The following GSG1 variants were observed in gnomAD, a reference collection of about 807,000 sequenced individuals.
GSG1 encodes the protein germ cell associated 1, also known as germ cell-specific gene 1 protein.
In GSG1, 28 loss-of-function variants were observed where a neutral mutation model predicts 30.8. That is an observed-to-expected ratio of 0.91 (90% CI 0.67 to 1.25). GSG1 has a LOEUF of 1.25. Ranked by LOEUF, GSG1 falls within the 50% of genes most tolerant of loss-of-function variation. The pLI is 0.00. For missense variants in GSG1, 435 were observed against 444.7 expected (o/e 0.98, Z 0.20); for synonymous variants, 162 against 178.0 (o/e 0.91, Z 0.71).
rs376752265 is a variant in GSG1, at chr12:13,099,766, T to G, written c.48+3699A>C. Among the ~76,000 whole-genome samples, 930 of 121,214 alleles carry G rather than the reference T, an allele frequency of 7.7e-3. 11 individuals are homozygous for G. The highest frequency in any genetic ancestry group is 0.031 in the South Asian group (129 of 4,114). 79.5% of individuals were successfully genotyped at this position (121,214 alleles called of 152,430 possible). On this transcript the variant is annotated intron_variant, in intron 1 of 6. Transcript: ENST00000651961. ...TTTTTTTTTGTTTTTTTTTTTTTTTTTTGTTTTTTCTTCATGTCATCCATA... is the reference window on the plus strand; with the variant it reads ...TTTTTTTTTGTTTTTTTTTTTTTTTGTTGTTTTTTCTTCATGTCATCCATA...
At chr12:13,091,027 C>T (rs1016063237) in intron 1 of GSG1, among the ~76,000 whole-genome samples, 8 of 152,154 alleles carry the variant, frequency 5.3e-5, no homozygotes, top group Non-Finnish European at 1.0e-4. Context: ...ACCCTGAGGG[C>T]GTAAGAAAAC....
intron 1 of GSG1, among the ~76,000 whole-genome samples, chr12:13,103,094 C>T (rs577695142): frequency 4.6e-5 from 7 of 152,320 alleles, no homozygotes; most frequent in African/African-American, 1.7e-4. Context: ...GCTACTGGGC[C>T]TTTACCAGGC....
intron 4 of GSG1, 72 bp downstream of exon 4, chr12:13,088,790 G>A (rs768195450): frequency 5.0e-6 from 8 of 1,613,930 alleles, no homozygotes; most frequent in African/African-American, 2.7e-5. Flanking sequence ...TCCATCAACC[G>A]CTTCCCTCCA....
At position 13,090,671 on chromosome 12, in the gene GSG1, C is replaced by CT. The variant is rs1866010913; in HGVS notation, c.195dup (p.Gly66ArgfsTer8). 1.2e-6 allele frequency: 2 copies of CT among 1,614,246 alleles called. No homozygotes were observed. The highest frequency in any genetic ancestry group is 4.5e-5 in the East Asian group (2 of 44,876). On this transcript the variant is annotated frameshift_variant, in exon 2 of 7. Transcript: ENST00000651961. LOFTEE classifies it high-confidence loss of function. ...ATGTCAAAGCACTTGGCTGCCAGAC[C>CT]TTTCTCGCACAGGGGCTTGGGCACC...
intron 1 of GSG1, among the ~76,000 whole-genome samples, chr12:13,094,459 AC>A (rs1462285313): frequency 6.6e-6 from 1 of 152,240 alleles, no homozygotes; most frequent in East Asian, 1.9e-4. Flanking sequence ...TTGACTAAGG[AC>A]AAAAAATCCG....
rs1863185806 is a variant in GSG1, at chr12:13,101,376, C to T, written c.48+2089G>A. 6.6e-6 allele frequency among the ~76,000 whole-genome samples: 1 copy of T among 152,248 alleles called. No homozygotes were observed. Among genetic ancestry groups the T allele is most frequent in the African/African-American group, 2.4e-5 (1 of 41,472 alleles). On this transcript the variant is annotated intron_variant, in intron 1 of 6. Coordinates refer to ENST00000651961, the MANE Select transcript of GSG1 (RefSeq NM_001080555.4). The surrounding 1 kb of genome is among the most constrained non-coding windows in gnomAD (Gnocchi z 5.8). Reference sequence around the variant, plus strand: ...TTGGCATTGTTTGCGAGGCCCCGCCCCGCGGCCGCCAACCACCCATGGCTT... The same window carrying T: ...TTGGCATTGTTTGCGAGGCCCCGCCTCGCGGCCGCCAACCACCCATGGCTT...
At position 13,101,417 on chromosome 12, in the gene GSG1, C is replaced by A. The variant is rs1019947954; in HGVS notation, c.48+2048G>T. Among the ~76,000 whole-genome samples the A allele has an allele frequency of 2.0e-5, 3 of 152,232 alleles. No individual in the cohort carries two copies. The highest frequency in any genetic ancestry group is 7.2e-5 in the African/African-American group (3 of 41,466). ...CCCATGGCTTCCTGACCGGGTCGGG[C>A]GGGGGTACCCGGGCTGTTTCTTCCT... On this transcript the variant is annotated intron_variant, in intron 1 of 6. Transcript: ENST00000651961. This position sits in a 1 kb window ranked among gnomAD's most constrained non-coding sequence, Gnocchi z 5.8.
chr12:13,088,517 C>T (rs1305469684), intron 4 of GSG1, among the ~76,000 whole-genome samples: 2 of 152,102 alleles, frequency 1.3e-5, no homozygotes, highest in Admixed American at 1.3e-4. Flanking sequence ...TACTTGGCAA[C>T]AAGAGTAGGT....
chr12:13,089,946 G>A (rs1330267021), intron 2 of GSG1, among the ~76,000 whole-genome samples: 1 of 152,186 alleles, frequency 6.6e-6, no homozygotes, highest in Non-Finnish European at 1.5e-5. Context: ...CTACTTGGGA[G>A]GCTGAGGCAA....
chr12:13,088,754 A>C, intron 4 of GSG1, 108 bp downstream of exon 4: 1 of 1,613,348 alleles, frequency 6.2e-7, no homozygotes, highest in Non-Finnish European at 8.5e-7. Context: ...CAAAGCCCCA[A>C]GGGAGGGGAG....
chr12:13,100,176 A>C (rs890908844), intron 1 of GSG1, among the ~76,000 whole-genome samples: 2 of 152,202 alleles, frequency 1.3e-5, no homozygotes, highest in African/African-American at 4.8e-5. Flanking sequence ...TGAGATTTGT[A>C]ATGCAAAAAG....
chr12:13,102,909 A>T (rs1863319391), intron 1 of GSG1, among the ~76,000 whole-genome samples: 1 of 152,230 alleles, frequency 6.6e-6, no homozygotes, highest in Non-Finnish European at 1.5e-5. Context: ...ATCCCTGAAG[A>T]TTCTGCTGGA....
chr12:13,084,246 A>C lies in GSG1; in HGVS notation c.*655T>G, dbSNP rs1865311731. 6.6e-6 allele frequency: 1 copy of C among 152,196 alleles called. No individual in the cohort carries two copies. Among genetic ancestry groups the C allele is most frequent in the African/African-American group, 2.4e-5 (1 of 41,432 alleles). The allele number at this position is 152,196 out of a possible 1,614,324, so 9.4% of individuals were successfully genotyped here. A position where few individuals can be genotyped will look rare whatever the true frequency, so the allele number is the denominator to read the frequency against. ...ACTGTCCAGAAGGGAACCACAGTCC[A>C]ATCTGAATAGCCTTGGTGGGCTATT... On this transcript the variant is annotated 3_prime_UTR_variant, in exon 7 of 7. Coordinates refer to ENST00000651961, the MANE Select transcript of GSG1 (RefSeq NM_001080555.4).
intron 1 of GSG1, among the ~76,000 whole-genome samples, chr12:13,094,980 A>G (rs965067894): frequency 6.6e-6 from 1 of 152,234 alleles, no homozygotes; most frequent in Non-Finnish European, 1.5e-5. Context: ...AACCAATTTA[A>G]GGAAGAGGCA....
intron 2 of GSG1, among the ~76,000 whole-genome samples, chr12:13,089,777 A>G (rs1261630955): frequency 6.6e-6 from 1 of 152,224 alleles, no homozygotes; most frequent in Non-Finnish European, 1.5e-5. Context: ...TAGGCTGGGC[A>G]TGGTGGCTCA....
At position 13,093,236 on chromosome 12, in the gene GSG1, A is replaced by T. The variant is rs553335087; in HGVS notation, c.49-2418T>A. On this transcript the variant is annotated intron_variant, in intron 1 of 6. Coordinates refer to ENST00000651961, the MANE Select transcript of GSG1 (RefSeq NM_001080555.4). The surrounding 1 kb of genome is among the most constrained non-coding windows in gnomAD (Gnocchi z 4.6). ...TCTAAACTTTATATAAAAGTTTAGA[A>T]AAAAGAATTGGGAGCATTCCAAATG... Among the ~76,000 whole-genome samples, 20 of 152,340 alleles carry T rather than the reference A, an allele frequency of 1.3e-4. No individual in the cohort carries two copies. The highest frequency in any genetic ancestry group is 4.8e-4 in the African/African-American group (20 of 41,578).
At chr12:13,089,012 C>T in intron 3 of GSG1, 103 bp from the exon 4 acceptor site, 2 of 1,428,706 alleles carry the variant, frequency 1.4e-6, no homozygotes, top group Non-Finnish European at 1.9e-6. Flanking sequence ...GCTCTGACAG[C>T]ACCTGCCCCG....
intron 1 of GSG1, among the ~76,000 whole-genome samples, chr12:13,096,572 A>C (rs571487759): frequency 6.6e-6 from 1 of 152,232 alleles, no homozygotes; most frequent in Non-Finnish European, 1.5e-5. Flanking sequence ...GCAAAGATGC[A>C]GATAGAATAG....
At chr12:13,094,196 A>G (rs1012955201) in intron 1 of GSG1, among the ~76,000 whole-genome samples, 2 of 152,242 alleles carry the variant, frequency 1.3e-5, no homozygotes, top group South Asian at 2.1e-4. Flanking sequence ...TACATTTAAG[A>G]GAGAACTTTA....
Sources: gnomAD v4.1 joint callset for allele counts (sites outside exome capture counted in the v4.1 genomes callset) on GRCh38, gnomAD v4.1.1 for gene constraint, Gnocchi (gnomAD v3.1) non-coding constraint, MANE v1.5 for transcripts, NCBI Gene and HGNC (gene_info 2026-07-23, HGNC 2026-07-21) for gene names.